Variants in DCTD observed in about 807,000 individuals in gnomAD.
DCTD encodes the protein deoxycytidylate deaminase.
DCTD carries 23 observed loss-of-function variants against 21.0 expected under a neutral mutation model. That is an observed-to-expected ratio of 1.09 (90% CI 0.79 to 1.55). The LOEUF (loss-of-function observed/expected upper bound fraction) is 1.55, where lower values mean the gene tolerates loss of function less well. Among genes scored for constraint, DCTD ranks in the 40% most tolerant of loss-of-function variants. The pLI is 0.00. For synonymous variants in DCTD, 71 were observed against 81.1 expected (o/e 0.88, Z 0.67); for missense variants, 224 against 230.0 (o/e 0.97, Z 0.17).
chr4:182,916,767 GC>G, intron 1 of DCTD: 1 of 1,120,644 alleles, frequency 8.9e-7, no homozygotes, highest in Non-Finnish European at 1.1e-6. Flanking sequence ...CGAGGGAAGA[GC>G]AGGAGAGGGA....
chr4:182,906,469 T>C (rs1478869817), intron 3 of DCTD, among the ~76,000 whole-genome samples: 1 of 152,180 alleles, frequency 6.6e-6, no homozygotes, highest in African/African-American at 2.4e-5. Flanking sequence ...GCCCTAGAAG[T>C]GTCTGCTGAA....
At chr4:182,910,670 TA>T (rs1737518943) in intron 3 of DCTD, among the ~76,000 whole-genome samples, 1 of 152,242 alleles carries the variant, frequency 6.6e-6, no homozygotes, top group Non-Finnish European at 1.5e-5. Flanking sequence ...CACTTAATGT[TA>T]CTGACATCAT....
intron 3 of DCTD, among the ~76,000 whole-genome samples, chr4:182,896,580 G>C (rs1268852998): frequency 6.6e-6 from 1 of 152,156 alleles, no homozygotes; most frequent in Non-Finnish European, 1.5e-5. Flanking sequence ...GGCATGGGAG[G>C]ACAAGGAAAG....
intron 3 of DCTD, among the ~76,000 whole-genome samples, chr4:182,910,600 T>C (rs1317638362): frequency 1.3e-5 from 2 of 152,216 alleles, no homozygotes; most frequent in Admixed American, 6.5e-5. Flanking sequence ...CTGCTTCCTC[T>C]TTTTTAATTG....
chr4:182,917,516 G>T, upstream of DCTD: 1 of 285,288 alleles, frequency 3.5e-6, no homozygotes, highest in Non-Finnish European at 5.5e-6. The surrounding 1 kb of genome is among the most constrained non-coding windows in gnomAD (Gnocchi z 4.9). Context: ...CGGGTCGCAC[G>T]CCGCAAAGGC....
In DCTD at chr4:182,891,213, T is replaced by C; in HGVS notation, c.*186A>G. On this transcript the variant is annotated 3_prime_UTR_variant, in exon 6 of 6. Transcript: ENST00000438320. ...CTATTTTAAACCCTAAAGCAATAGT[T>C]CAAACACATGTAGATTCCATGTGAC... 1.7e-6 allele frequency: 1 copy of C among 578,468 alleles called. No individual in the cohort carries two copies. Among genetic ancestry groups the C allele is most frequent in the East Asian group, 2.7e-5 (1 of 36,906 alleles). 35.8% of individuals were successfully genotyped at this position (578,468 alleles called of 1,614,324 possible).
chr4:182,900,698 G>A lies in DCTD; in HGVS notation c.245-6093C>T, dbSNP rs191095314. Among the ~76,000 whole-genome samples the A allele has an allele frequency of 3.8e-3, 572 of 152,194 alleles. 2 individuals carry two copies. Among genetic ancestry groups the A allele is most frequent in the East Asian group, 5.4e-3 (28 of 5,186 alleles). On this transcript the variant is annotated intron_variant, in intron 3 of 5. Transcript: ENST00000438320. ...ATCTGCAAACAGTACATATATATTT[G>A]ATAAGCACAAAGAGTGACACACAAC...
intron 3 of DCTD, among the ~76,000 whole-genome samples, chr4:182,895,303 G>C (rs925169659): frequency 6.6e-6 from 1 of 152,128 alleles, no homozygotes; most frequent in Non-Finnish European, 1.5e-5. Context: ...AATCCTGGCC[G>C]TAAGTGATCT....
chr4:182,898,419 C>T (rs781666889), intron 3 of DCTD, among the ~76,000 whole-genome samples: 3 of 152,252 alleles, frequency 2.0e-5, no homozygotes, highest in Non-Finnish European at 4.4e-5. Context: ...GACAGTGGAT[C>T]TGAGAAAGTG....
chr4:182,906,260 A>G (rs1213485894), intron 3 of DCTD, among the ~76,000 whole-genome samples: 1 of 152,170 alleles, frequency 6.6e-6, no homozygotes, highest in African/African-American at 2.4e-5. Context: ...GGGCTGGCAG[A>G]TTCGGGGTCT....
chr4:182,916,933 C>G (rs1738846209), intron 1 of DCTD: 1 of 1,000,008 alleles, frequency 1.0e-6, no homozygotes, highest in Admixed American at 6.1e-5. Flanking sequence ...CCAGGCACAC[C>G]CCACGCCGCT....
In DCTD at chr4:182,891,393, T is replaced by C; in HGVS notation, c.*6A>G. On this transcript the variant is annotated 3_prime_UTR_variant, in exon 6 of 6. Transcript: ENST00000438320. Reference sequence around the variant, plus strand: ...CCAATCTTCTGGAGATTGAATGAGATGTAACTCACTGAAGCTTTTGACTCG... The same window carrying C: ...CCAATCTTCTGGAGATTGAATGAGACGTAACTCACTGAAGCTTTTGACTCG... 1 of 1,589,390 alleles carries C rather than the reference T, an allele frequency of 6.3e-7. No homozygotes were observed. Among genetic ancestry groups the C allele is most frequent in the Non-Finnish European group, 8.6e-7 (1 of 1,157,572 alleles).
intron 3 of DCTD, among the ~76,000 whole-genome samples, chr4:182,904,159 T>C (rs1018702763): frequency 2.1e-4 from 32 of 152,180 alleles, no homozygotes; most frequent in Non-Finnish European, 4.4e-4. Context: ...GGGAGCCACT[T>C]AGCCCCAATG....
chr4:182,906,837 G>A (rs1053824244), intron 3 of DCTD, among the ~76,000 whole-genome samples: 2 of 152,182 alleles, frequency 1.3e-5, no homozygotes, highest in Non-Finnish European at 2.9e-5. Context: ...GAAGCACAGA[G>A]AAAATTTACA....
intron 4 of DCTD, 30 bp downstream of exon 4, chr4:182,894,459 A>C: frequency 7.4e-7 from 1 of 1,360,494 alleles, no homozygotes; most frequent in Non-Finnish European, 1.1e-6. Context: ...AGCAATGCAA[A>C]TGTGACAAAT....
At chr4:182,905,378 G>GAGTGCAA (rs1428838806) in intron 3 of DCTD, among the ~76,000 whole-genome samples, 3 of 148,804 alleles carry the variant, frequency 2.0e-5, no homozygotes, top group Non-Finnish European at 4.4e-5. Flanking sequence ...TGCCAGGCTG[G>GAGTGCAA]AGTGCAATGG....
chr4:182,891,679 G>A lies in DCTD; in HGVS notation c.459-202C>T, dbSNP rs78080294. ...AGACTAAGACAAAAAAAGATGCATG[G>A]GGTGGTGTGGTTTGTATGTTTTCAG... On this transcript the variant is annotated intron_variant, in intron 5 of 5. Transcript: ENST00000438320. Among the ~76,000 whole-genome samples the A allele has an allele frequency of 1.9e-3, 290 of 152,258 alleles. 2 individuals are homozygous for A. Among genetic ancestry groups the A allele is most frequent in the African/African-American group, 6.5e-3 (272 of 41,548 alleles).
intron 1 of DCTD, chr4:182,915,914 G>C: frequency 1.9e-6 from 2 of 1,079,942 alleles, no homozygotes; most frequent in Non-Finnish European, 2.3e-6. Flanking sequence ...CAGCACAGGA[G>C]GAGGGTGGAA....
rs185530755 is a variant in DCTD at position 182,916,905 on chromosome 4, A to T, written c.-8+406T>A. ...AGCTCGAATACAACGATTCAGGAAGACACATCCGGTCACCGTCCCAGGCAC... is the reference window on the plus strand; with the variant it reads ...AGCTCGAATACAACGATTCAGGAAGTCACATCCGGTCACCGTCCCAGGCAC... On this transcript the variant is annotated intron_variant, in intron 1 of 5. Transcript: ENST00000438320. 163 of 1,008,180 alleles carry T rather than the reference A, an allele frequency of 1.6e-4. 1 individual carries two copies. The African/African-American group carries it at 2.4e-3, about 15-fold the overall frequency. The allele number at this position is 1,008,180 out of a possible 1,614,324, so 62.5% of individuals were successfully genotyped here.
Sources: allele counts gnomAD v4.1 joint callset (sites outside exome capture counted in the v4.1 genomes callset), GRCh38; gene constraint gnomAD v4.1.1; non-coding constraint Gnocchi (gnomAD v3.1); transcripts MANE v1.5; gene names NCBI Gene and HGNC (gene_info 2026-07-23, HGNC 2026-07-21).